MIR2052HG: variants seen among roughly 807,000 people sequenced by gnomAD.
The protein encoded by MIR2052HG is MIR2052 host gene.
At chr8:74,665,201 T>A (rs1808909430) in intron 2 of MIR2052HG, among the ~76,000 whole-genome samples, 1 of 152,196 alleles carries the variant, frequency 6.6e-6, no homozygotes, top group African/African-American at 2.4e-5. Flanking sequence ...AATTTGCCAA[T>A]ATGCTACTCT....
At chr8:74,700,282 C>T (rs1809345498) in intron 2 of MIR2052HG, among the ~76,000 whole-genome samples, 2 of 152,158 alleles carry the variant, frequency 1.3e-5, no homozygotes, top group African/African-American at 4.8e-5. Context: ...GCAAAGTATG[C>T]TGCTACAGAC....
chr8:74,672,666 T>C (rs2128738192), intron 2 of MIR2052HG, among the ~76,000 whole-genome samples: 1 of 152,190 alleles, frequency 6.6e-6, no homozygotes, highest in South Asian at 2.1e-4. Flanking sequence ...AATTTGCAAG[T>C]TCATAAAAAT....
intron 2 of MIR2052HG, among the ~76,000 whole-genome samples, chr8:74,637,844 C>G (rs1185230902): frequency 2.0e-5 from 3 of 152,042 alleles, no homozygotes; most frequent in Admixed American, 2.0e-4. Context: ...CTCTACTTTA[C>G]CATCTAAGTG....
chr8:74,618,668 A>G (rs1289241029), intron 2 of MIR2052HG, among the ~76,000 whole-genome samples: 1 of 152,230 alleles, frequency 6.6e-6, no homozygotes, highest in African/African-American at 2.4e-5. Context: ...GTTGTATATG[A>G]CAAGCCCACA....
intron 4 of MIR2052HG, among the ~76,000 whole-genome samples, chr8:74,725,636 G>A (rs1335774483): frequency 2.6e-5 from 4 of 152,010 alleles, no homozygotes. Flanking sequence ...AAATTTACTT[G>A]ATCATCCCAG....
chr8:74,743,627 G>A (rs1809853957), intron 4 of MIR2052HG, among the ~76,000 whole-genome samples: 1 of 152,224 alleles, frequency 6.6e-6, no homozygotes, highest in African/African-American at 2.4e-5. Context: ...CTGGGACTGT[G>A]TTGGAATAAC....
intron 2 of MIR2052HG, among the ~76,000 whole-genome samples, chr8:74,641,132 T>C (rs1026795497): frequency 2.0e-5 from 3 of 152,210 alleles, no homozygotes; most frequent in Non-Finnish European, 4.4e-5. Context: ...AAGAAATTGC[T>C]AGGACATTTA....
intron 2 of MIR2052HG, among the ~76,000 whole-genome samples, chr8:74,682,632 C>G (rs1209082785): frequency 6.6e-6 from 1 of 151,966 alleles, no homozygotes; most frequent in African/African-American, 2.4e-5. Context: ...CACAAGTTGC[C>G]AAAAACGAAG....
At chr8:74,685,223 T>C (rs1047470809) in intron 2 of MIR2052HG, among the ~76,000 whole-genome samples, 2 of 152,104 alleles carry the variant, frequency 1.3e-5, no homozygotes, top group Middle Eastern at 3.2e-3. Flanking sequence ...TAAAATAATT[T>C]CTTTCTTCTA....
intron 4 of MIR2052HG, among the ~76,000 whole-genome samples, chr8:74,710,920 C>G (rs952019966): frequency 1.3e-5 from 2 of 152,142 alleles, no homozygotes. Context: ...CTGGGTGACT[C>G]TCTGATGTGA....
At chr8:74,728,031 C>T (rs1018673469) in intron 4 of MIR2052HG, among the ~76,000 whole-genome samples, 7 of 152,196 alleles carry the variant, frequency 4.6e-5, no homozygotes, top group African/African-American at 1.7e-4. Context: ...CTCTCAATTA[C>T]AGTACTAGGC....
intron 2 of MIR2052HG, among the ~76,000 whole-genome samples, chr8:74,679,042 A>T (rs1247366614): frequency 1.3e-5 from 2 of 152,196 alleles, no homozygotes; most frequent in Non-Finnish European, 2.9e-5. Flanking sequence ...AATAGAAGAG[A>T]ATATCTTTAT....
At chr8:74,694,362 C>A (rs2128740201) in intron 2 of MIR2052HG, among the ~76,000 whole-genome samples, 1 of 152,258 alleles carries the variant, frequency 6.6e-6, no homozygotes, top group Middle Eastern at 3.4e-3. Flanking sequence ...TGAACAGTAG[C>A]CTTTAAGCCC....
intron 1 of MIR2052HG, among the ~76,000 whole-genome samples, chr8:74,604,409 G>A (rs1409047379): frequency 3.2e-5 from 4 of 123,210 alleles, no homozygotes; most frequent in African/African-American, 9.3e-5. Flanking sequence ...GGGCAGGCGG[G>A]AAGGTGAGGG....
At chr8:74,600,005 C>A in intron 1 of MIR2052HG, 1 of 153,696 alleles carries the variant, frequency 6.5e-6, no homozygotes, top group African/African-American at 2.4e-5. Context: ...TGCCGTCTGT[C>A]ACCCCTTTCT....
At chr8:74,631,468 A>G (rs1808510203) in intron 2 of MIR2052HG, among the ~76,000 whole-genome samples, 1 of 152,118 alleles carries the variant, frequency 6.6e-6, no homozygotes, top group Non-Finnish European at 1.5e-5. Context: ...TGAGAGGCAT[A>G]TTTCTACTTT....
At chr8:74,674,989 TG>T (rs1563529104) in intron 2 of MIR2052HG, among the ~76,000 whole-genome samples, 1 of 151,984 alleles carries the variant, frequency 6.6e-6, no homozygotes, top group Non-Finnish European at 1.5e-5. Flanking sequence ...AGGTTCTAAT[TG>T]CAGTAGAAAA....
At chr8:74,604,430 G>A (rs1586884899) in intron 1 of MIR2052HG, among the ~76,000 whole-genome samples, 1 of 132,510 alleles carries the variant, frequency 7.5e-6, no homozygotes, top group East Asian at 2.2e-4. Flanking sequence ...GGGGCCCCGC[G>A]GGCGGGCGGA....
chr8:74,745,095 C>CA (rs1295510672), intron 4 of MIR2052HG, among the ~76,000 whole-genome samples: 34 of 149,816 alleles, frequency 2.3e-4, no homozygotes, highest in African/African-American at 4.9e-4. Flanking sequence ...CCTGTCTCTA[C>CA]AAAAAAAAAT....
Sources: gnomAD v4.1 joint callset for allele counts (sites outside exome capture counted in the v4.1 genomes callset) on GRCh38, gnomAD v4.1.1 for gene constraint, MANE v1.5 for transcripts, NCBI Gene and HGNC (gene_info 2026-07-23, HGNC 2026-07-21) for gene names.